Variants in ROBO1 observed in about 807,000 individuals in gnomAD.
ROBO1 encodes the protein roundabout homolog 1.
In ROBO1, 149 loss-of-function variants were observed where a neutral mutation model predicts 195.9. The ratio of observed to expected loss-of-function variants is 0.76; its 90% CI spans 0.67 to 0.87. The LOEUF (loss-of-function observed/expected upper bound fraction) is 0.87. Among genes scored for constraint, ROBO1 ranks in the 40% least tolerant of loss-of-function variants. The probability of loss-of-function intolerance (pLI) is 0.00; values close to 1 mark genes in which losing one functional copy is unlikely to be tolerated. For missense variants in ROBO1, 1,933 were observed against 2,068.3 expected (o/e 0.93, Z 1.27); for synonymous variants, 816 against 733.2 (o/e 1.11, Z -1.82).
At chr3:79,711,066 G>A (rs543672546) in intron 1 of ROBO1, among the ~76,000 whole-genome samples, 1 of 152,028 alleles carries the variant, frequency 6.6e-6, no homozygotes, top group Non-Finnish European at 1.5e-5. Context: ...ATTTACTTAT[G>A]AAAAGTTGAA....
At chr3:78,888,950 T>G (rs1349811154) in intron 4 of ROBO1, among the ~76,000 whole-genome samples, 1 of 152,206 alleles carries the variant, frequency 6.6e-6, no homozygotes, top group Non-Finnish European at 1.5e-5. Flanking sequence ...ATAAACAGAA[T>G]GTAAACAATG....
intron 3 of ROBO1, among the ~76,000 whole-genome samples, chr3:79,102,788 C>T (rs1040165636): frequency 6.6e-6 from 1 of 151,644 alleles, no homozygotes; most frequent in Non-Finnish European, 1.5e-5. Flanking sequence ...GTTATTGGTG[C>T]TTTTTTGCTT....
chr3:78,682,125 T>C (rs568468567), intron 10 of ROBO1, among the ~76,000 whole-genome samples: 1 of 152,254 alleles, frequency 6.6e-6, no homozygotes, highest in African/African-American at 2.4e-5. Context: ...GCCAACATTG[T>C]ATCTGGTGGT....
chr3:79,607,081 T>C (rs1476532838), intron 1 of ROBO1, among the ~76,000 whole-genome samples: 3 of 129,572 alleles, frequency 2.3e-5, no homozygotes, highest in Non-Finnish European at 4.7e-5. Flanking sequence ...TTTCAATAAC[T>C]GTTATTAAAA....
intron 2 of ROBO1, among the ~76,000 whole-genome samples, chr3:79,487,488 TA>T (rs897211704): frequency 1.3e-5 from 2 of 152,188 alleles, no homozygotes; most frequent in Non-Finnish European, 2.9e-5. Context: ...ATGCTGGGAT[TA>T]CAGGCAGGAA....
chr3:79,560,478 CAT>C (rs1170400196), intron 2 of ROBO1, among the ~76,000 whole-genome samples: 19 of 146,016 alleles, frequency 1.3e-4, no homozygotes, highest in African/African-American at 4.6e-4. Flanking sequence ...CACATGTATA[CAT>C]ATGTTAGTTA....
At chr3:79,053,871 C>T (rs901398885) in intron 3 of ROBO1, among the ~76,000 whole-genome samples, 9 of 152,100 alleles carry the variant, frequency 5.9e-5, no homozygotes, top group African/African-American at 2.2e-4. Context: ...GCTAGAACCT[C>T]CCAACTTCCA....
intron 4 of ROBO1, among the ~76,000 whole-genome samples, chr3:78,884,392 G>A (rs373195626): frequency 6.6e-6 from 1 of 151,912 alleles, no homozygotes; most frequent in Non-Finnish European, 1.5e-5. Flanking sequence ...TGGGAGGATT[G>A]TTTGAGCTCA....
chr3:79,275,982 C>T (rs909740245), intron 2 of ROBO1, among the ~76,000 whole-genome samples: 1 of 151,630 alleles, frequency 6.6e-6, no homozygotes, highest in African/African-American at 2.4e-5. Flanking sequence ...GAAGAGGACA[C>T]AAAAATGGAA....
At chr3:79,098,147 T>C (rs1190479959) in intron 3 of ROBO1, among the ~76,000 whole-genome samples, 1 of 151,828 alleles carries the variant, frequency 6.6e-6, no homozygotes, top group African/African-American at 2.4e-5. Flanking sequence ...CAGATGAGAT[T>C]TATAGGCTGA....
intron 1 of ROBO1, among the ~76,000 whole-genome samples, chr3:79,685,113 A>G (rs1212930144): frequency 6.6e-6 from 1 of 152,110 alleles, no homozygotes; most frequent in East Asian, 1.9e-4. Context: ...TGTAAAAAAT[A>G]TGTATTCTTT....
At chr3:79,502,468 T>C (rs1940138562) in intron 2 of ROBO1, among the ~76,000 whole-genome samples, 1 of 152,080 alleles carries the variant, frequency 6.6e-6, no homozygotes, top group Admixed American at 6.6e-5. Flanking sequence ...TCGGGACCTG[T>C]AGCCCGCCAT....
At chr3:79,047,894 A>T (rs1412001500) in intron 3 of ROBO1, among the ~76,000 whole-genome samples, 1 of 152,108 alleles carries the variant, frequency 6.6e-6, no homozygotes, top group African/African-American at 2.4e-5. Context: ...CTGTCCCATG[A>T]GCAGAACTAA....
chr3:79,643,264 G>A (rs891999864), intron 1 of ROBO1, among the ~76,000 whole-genome samples: 1 of 152,182 alleles, frequency 6.6e-6, no homozygotes, highest in Non-Finnish European at 1.5e-5. Flanking sequence ...TTCAGCCACA[G>A]ACTGAATGCT....
At chr3:79,118,572 T>G (rs2108554078) in intron 3 of ROBO1, among the ~76,000 whole-genome samples, 1 of 152,190 alleles carries the variant, frequency 6.6e-6, no homozygotes, top group Admixed American at 6.5e-5. Context: ...AGCTTTTGCT[T>G]ATATTTTAAA....
intron 2 of ROBO1, among the ~76,000 whole-genome samples, chr3:79,453,098 T>C (rs2039501223): frequency 6.6e-6 from 1 of 151,888 alleles, no homozygotes; most frequent in Non-Finnish European, 1.5e-5. Context: ...GTATCTTAAG[T>C]AGCCAAATCT....
intron 3 of ROBO1, among the ~76,000 whole-genome samples, chr3:78,946,859 C>G (rs189382957): frequency 1.3e-5 from 2 of 152,220 alleles, no homozygotes; most frequent in African/African-American, 4.8e-5. Flanking sequence ...CAAAAAAAGG[C>G]AGGGGTTGCA....
At chr3:78,909,752 G>C (rs976022154) in intron 4 of ROBO1, among the ~76,000 whole-genome samples, 3 of 151,466 alleles carry the variant, frequency 2.0e-5, no homozygotes, top group Non-Finnish European at 3.0e-5. Context: ...GCAATTCCAA[G>C]AGAAAAATCT....
At chr3:79,689,146 A>T (rs892155143) in intron 1 of ROBO1, among the ~76,000 whole-genome samples, 1 of 151,774 alleles carries the variant, frequency 6.6e-6, no homozygotes, top group Admixed American at 6.6e-5. Flanking sequence ...GAAACCTGGA[A>T]AAAAACCTCA....
Sources: gnomAD v4.1 joint callset for allele counts (sites outside exome capture counted in the v4.1 genomes callset) on GRCh38, gnomAD v4.1.1 for gene constraint, MANE v1.5 for transcripts, NCBI Gene and HGNC (gene_info 2026-07-23, HGNC 2026-07-21) for gene names.